The following TRABD2B variants were observed in gnomAD, a reference collection of about 807,000 sequenced individuals.
TRABD2B encodes metalloprotease TIKI2.
TRABD2B carries 14 observed loss-of-function variants against 40.1 expected under a neutral mutation model. That is an observed-to-expected ratio of 0.35 (90% CI 0.23 to 0.55). The LOEUF is 0.55. TRABD2B is among the 20% of genes least tolerant of loss of function. The probability of loss-of-function intolerance (pLI) is 0.90; values close to 1 mark genes in which losing one functional copy is unlikely to be tolerated. For missense variants in TRABD2B, 541 were observed against 648.6 expected (o/e 0.83, Z 1.80); for synonymous variants, 263 against 277.0 (o/e 0.95, Z 0.50).
intron 2 of TRABD2B, among the ~76,000 whole-genome samples, chr1:47,840,609 G>C (rs975743433): frequency 5.3e-5 from 8 of 152,168 alleles, no homozygotes; most frequent in African/African-American, 1.9e-4. Flanking sequence ...GGCTATCGAG[G>C]CTGCTTCATA....
chr1:47,847,312 C>T (rs911339927), intron 2 of TRABD2B, among the ~76,000 whole-genome samples: 3 of 152,136 alleles, frequency 2.0e-5, no homozygotes, highest in Non-Finnish European at 2.9e-5. Flanking sequence ...AAGGACTGGT[C>T]GCCTCTATGT....
chr1:47,917,715 C>G (rs1400101740), intron 2 of TRABD2B, among the ~76,000 whole-genome samples: 1 of 151,420 alleles, frequency 6.6e-6, no homozygotes, highest in Non-Finnish European at 1.5e-5. Context: ...GCATAGGTGA[C>G]AGAGTGAGAC....
chr1:47,826,720 C>T (rs1351385502), intron 2 of TRABD2B, among the ~76,000 whole-genome samples: 3 of 152,144 alleles, frequency 2.0e-5, no homozygotes, highest in Non-Finnish European at 4.4e-5. Context: ...ACTACAGGTG[C>T]GTGCCATCAT....
rs2148467180 is a variant in TRABD2B, at chr1:47,994,554, G to A, written c.146C>T (p.Pro49Leu). The A allele has an allele frequency of 1.3e-6, 2 of 1,536,096 alleles. No individual in the cohort carries two copies. Among genetic ancestry groups the A allele is most frequent in the Non-Finnish European group, 1.7e-6 (2 of 1,146,910 alleles). Residue 49 changes from proline (P) to leucine (L), a missense_variant, in exon 2 of 7, where the codon CCT becomes CTT. By Grantham distance (98) the Pro-to-Leu change is moderately conservative. Coordinates refer to ENST00000606738, the MANE Select transcript of TRABD2B (RefSeq NM_001194986.2). The surrounding 1 kb of genome is among the most constrained non-coding windows in gnomAD (Gnocchi z 6.7). The stretch of plus-strand genomic sequence containing the variant: ...AATAGTGCCAAACAGGTAGGCCGGA[G>A]GATCACGCCGAATCGTCCACAGGAA... ...NSFLWTIRRDPPAYLFGTIHV... is the reference protein window; with the variant it reads ...NSFLWTIRRDLPAYLFGTIHV...
chr1:47,860,260 CCTATAAGT>C (rs936880107), intron 2 of TRABD2B, among the ~76,000 whole-genome samples: 1 of 152,216 alleles, frequency 6.6e-6, no homozygotes, highest in African/African-American at 2.4e-5. Context: ...GCTGCTTTCT[CCTATAAGT>C]CTTTCCCACC....
At chr1:47,920,390 G>C (rs755855872) in intron 2 of TRABD2B, among the ~76,000 whole-genome samples, 11 of 152,222 alleles carry the variant, frequency 7.2e-5, no homozygotes, top group Admixed American at 1.3e-4. Flanking sequence ...TCCTCAAAAT[G>C]ATGCATGACC....
At chr1:47,976,482 A>G (rs890815725) in intron 2 of TRABD2B, among the ~76,000 whole-genome samples, 1 of 152,190 alleles carries the variant, frequency 6.6e-6, no homozygotes, top group African/African-American at 2.4e-5. Flanking sequence ...ACTATGTGCT[A>G]GACATAGTAG....
chr1:47,974,819 A>G (rs941531249), intron 2 of TRABD2B, among the ~76,000 whole-genome samples: 1 of 152,242 alleles, frequency 6.6e-6, no homozygotes, highest in African/African-American at 2.4e-5. Flanking sequence ...CATCCAGGTG[A>G]TCAAGGTTAA....
chr1:47,769,014 G>T (rs534619718), intron 6 of TRABD2B, among the ~76,000 whole-genome samples: 3 of 152,170 alleles, frequency 2.0e-5, no homozygotes, highest in South Asian at 2.1e-4. Flanking sequence ...CGAAGCGTGG[G>T]TGCTTCCGGC....
intron 2 of TRABD2B, among the ~76,000 whole-genome samples, chr1:47,974,178 T>C (rs1229090275): frequency 6.6e-6 from 1 of 152,114 alleles, no homozygotes; most frequent in Non-Finnish European, 1.5e-5. Flanking sequence ...TGGAATAAAA[T>C]CCAAGTACTG....
At chr1:47,810,624 T>C (rs1335343114) in intron 2 of TRABD2B, among the ~76,000 whole-genome samples, 1 of 152,092 alleles carries the variant, frequency 6.6e-6, no homozygotes, top group Non-Finnish European at 1.5e-5. Context: ...GCCAGTGAGA[T>C]GAGTTCCAAA....
chr1:47,810,165 C>T (rs532712213), intron 2 of TRABD2B, among the ~76,000 whole-genome samples: 24 of 151,468 alleles, frequency 1.6e-4, no homozygotes, highest in African/African-American at 5.1e-4. Flanking sequence ...CGCGCGCGCG[C>T]GCGCACGTGT....
intron 2 of TRABD2B, among the ~76,000 whole-genome samples, chr1:47,865,719 C>G (rs537908930): frequency 3.0e-4 from 45 of 152,266 alleles, no homozygotes; most frequent in African/African-American, 9.6e-4. Flanking sequence ...TAATGATCCT[C>G]TGGCCTTGCA....
chr1:47,782,917 CA>C (rs1164798502), intron 4 of TRABD2B, among the ~76,000 whole-genome samples: 1 of 152,210 alleles, frequency 6.6e-6, no homozygotes, highest in Non-Finnish European at 1.5e-5. Flanking sequence ...CACGGCTCAG[CA>C]GCCCCTTCCA....
At chr1:47,832,039 A>G (rs1645256749) in intron 2 of TRABD2B, among the ~76,000 whole-genome samples, 1 of 152,160 alleles carries the variant, frequency 6.6e-6, no homozygotes. Context: ...CAGACTCTTA[A>G]AGAAGAGGTC....
intron 2 of TRABD2B, among the ~76,000 whole-genome samples, chr1:47,863,833 T>C (rs2124564440): frequency 6.6e-6 from 1 of 152,296 alleles, no homozygotes; most frequent in Middle Eastern, 3.4e-3. Context: ...TTGACGGAAC[T>C]TGGAAGCAAC....
intron 2 of TRABD2B, among the ~76,000 whole-genome samples, chr1:47,915,400 A>C (rs1358465180): frequency 1.3e-5 from 2 of 152,198 alleles, no homozygotes; most frequent in African/African-American, 4.8e-5. Context: ...ACGGGGACTT[A>C]CACTTAACAA....
chr1:47,771,688 C>G (rs961788825), intron 6 of TRABD2B, among the ~76,000 whole-genome samples: 2 of 152,228 alleles, frequency 1.3e-5, no homozygotes, highest in African/African-American at 4.8e-5. Flanking sequence ...GCCCTTCCCC[C>G]AAGCCTGGCT....
At chr1:47,851,910 T>C (rs750828267) in intron 2 of TRABD2B, among the ~76,000 whole-genome samples, 1 of 152,196 alleles carries the variant, frequency 6.6e-6, no homozygotes, top group East Asian at 1.9e-4. Flanking sequence ...GAGGTGGGAT[T>C]TGAACCCAGA....
Sources: allele counts gnomAD v4.1 joint callset (sites outside exome capture counted in the v4.1 genomes callset), GRCh38; gene constraint gnomAD v4.1.1; non-coding constraint Gnocchi (gnomAD v3.1); transcripts MANE v1.5; gene names NCBI Gene and HGNC (gene_info 2026-07-23, HGNC 2026-07-21).